Variants in TMEM131L observed in about 807,000 individuals in gnomAD.
TMEM131L encodes transmembrane protein 131-like.
A neutral mutation model predicts 192.2 loss-of-function variants in TMEM131L; 54 were observed. That is an observed-to-expected ratio of 0.28 (90% CI 0.23 to 0.35). The LOEUF (loss-of-function observed/expected upper bound fraction) is 0.35. Ranked by LOEUF, TMEM131L falls within the 10% of genes least tolerant of loss-of-function variation. TMEM131L has a pLI of 1.00. For synonymous variants in TMEM131L, 701 were observed against 704.9 expected (o/e 0.99, Z 0.09); for missense variants, 1,888 against 1,972.9 (o/e 0.96, Z 0.82).
At chr4:153,618,889 T>C (rs1733186919) in intron 26 of TMEM131L, among the ~76,000 whole-genome samples, 1 of 152,180 alleles carries the variant, frequency 6.6e-6, no homozygotes, top group Admixed American at 6.5e-5. Context: ...GCTGTCTCCA[T>C]TGCAGGCCTG....
At position 153,626,252 on chromosome 4, in the gene TMEM131L, C is replaced by T. The variant is rs1733835541; in HGVS notation, c.4124+27C>T. The T allele has an allele frequency of 5.5e-6, 8 of 1,443,286 alleles. No homozygotes were observed. The East Asian group carries it at 1.1e-4, about 20-fold the overall frequency. 89.4% of individuals were successfully genotyped at this position (1,443,286 alleles called of 1,614,324 possible). On this transcript the variant is annotated intron_variant, in intron 30 of 34. Coordinates refer to ENST00000409959, the MANE Select transcript of TMEM131L (RefSeq NM_001131007.2). Reference sequence around the variant, plus strand: ...TAAGTTTTTTATTTTCCAGCTTTTACAGTATGTTTTGTGTACTGCTTTTTC... The same window carrying T: ...TAAGTTTTTTATTTTCCAGCTTTTATAGTATGTTTTGTGTACTGCTTTTTC...
At chr4:153,503,263 C>CG (rs1341781839) in intron 3 of TMEM131L, among the ~76,000 whole-genome samples, 3 of 152,072 alleles carry the variant, frequency 2.0e-5, no homozygotes, top group African/African-American at 7.2e-5. Flanking sequence ...TTTTAGAATA[C>CG]GGGGGAACAT....
chr4:153,548,149 G>T (rs924106289), intron 3 of TMEM131L, among the ~76,000 whole-genome samples: 14 of 152,118 alleles, frequency 9.2e-5, no homozygotes, highest in African/African-American at 3.4e-4. Flanking sequence ...GTTTCCGGAG[G>T]CAACTTCTCT....
chr4:153,604,344 C>T lies in TMEM131L; in HGVS notation c.3332C>T (p.Ser1111Phe), dbSNP rs755078. 4.3e-6 allele frequency: 7 copies of T among 1,614,038 alleles called. No individual in the cohort carries two copies. Among genetic ancestry groups the T allele is most frequent in the Non-Finnish European group, 5.9e-6 (7 of 1,179,986 alleles). Residue 1111 changes from serine (S) to phenylalanine (F), a missense_variant, in exon 25 of 35, where the codon TCC becomes TTC. By Grantham distance (155) the Ser-to-Phe change is radical. Transcript: ENST00000409959. ...CGGGAGCTCTGTCCACTGAAGACCT[C>T]CAAGAAACTACCTGAAAACCATTTA... Reference protein sequence around the residue: ...KERELCPLKTSKKLPENHLPR... With the variant: ...KERELCPLKTFKKLPENHLPR...
chr4:153,620,653 A>C (rs1468510601), intron 26 of TMEM131L, 103 bp from the exon 27 acceptor site: 2 of 671,164 alleles, frequency 3.0e-6, no homozygotes, highest in Non-Finnish European at 2.4e-6. Context: ...TTTCAACAGC[A>C]CTGGGACATT....
In TMEM131L at chr4:153,603,909, A is replaced by C; in HGVS notation, c.2897A>C (p.Lys966Thr). 16 of 1,614,138 alleles carry C rather than the reference A, an allele frequency of 9.9e-6. No homozygotes were observed. The highest frequency in any genetic ancestry group is 1.4e-5 in the Non-Finnish European group (16 of 1,180,002). Residue 966 changes from lysine (K) to threonine (T), a missense_variant, in exon 25 of 35, where the codon AAG becomes ACG. Lys to Thr is a moderately conservative substitution (Grantham distance 78). Coordinates refer to ENST00000409959, the MANE Select transcript of TMEM131L (RefSeq NM_001131007.2). ...CAAAGCAGGATCCAGAATGCTGCAA[A>C]GAGGAGCCCAGCCACCTATGGTCAT... ...TPQSRIQNAA[K>T]RSPATYGHSQ... is the part of the protein sequence containing the mutation.
chr4:153,576,883 G>T (rs970161323), intron 7 of TMEM131L, among the ~76,000 whole-genome samples: 3 of 152,002 alleles, frequency 2.0e-5, no homozygotes, highest in Non-Finnish European at 4.4e-5. Context: ...AGCATCTGTG[G>T]CTGTATGCCC....
chr4:153,533,385 G>T (rs114007459), intron 3 of TMEM131L, among the ~76,000 whole-genome samples: 1 of 152,260 alleles, frequency 6.6e-6, no homozygotes, highest in East Asian at 1.9e-4. Context: ...CAGCAGTGGC[G>T]GAGGGGAGGC....
At position 153,604,217 on chromosome 4, in the gene TMEM131L, A is replaced by G; in HGVS notation, c.3205A>G (p.Asn1069Asp). 1 of 1,614,064 alleles carries G rather than the reference A, an allele frequency of 6.2e-7. No individual in the cohort carries two copies. Among genetic ancestry groups the G allele is most frequent in the South Asian group, 1.1e-5 (1 of 91,082 alleles). The change falls in exon 25 of 35, where the codon AAT becomes GAT. Residue 1069 changes from asparagine to aspartate, a missense_variant. Transcript: ENST00000409959. ...ACTGAAAAACACAATTGTTTTCAGTAATCCTTCTTCAGAATGTAGTATGAA... is the reference window on the plus strand; with the variant it reads ...ACTGAAAAACACAATTGTTTTCAGTGATCCTTCTTCAGAATGTAGTATGAA... ...NTLKNTIVFSNPSSECSMKEG... is the reference protein window; with the variant it reads ...NTLKNTIVFSDPSSECSMKEG...
chr4:153,620,191 A>C (rs1335025875), intron 26 of TMEM131L, among the ~76,000 whole-genome samples: 1 of 152,228 alleles, frequency 6.6e-6, no homozygotes, highest in African/African-American at 2.4e-5. Flanking sequence ...CTTATTTAAT[A>C]CTTATGTATA....
intron 3 of TMEM131L, among the ~76,000 whole-genome samples, chr4:153,475,818 A>G (rs544710584): frequency 6.6e-6 from 1 of 152,336 alleles, no homozygotes; most frequent in East Asian, 1.9e-4. Flanking sequence ...TAAAGTATAC[A>G]GGAGGATGTG....
At chr4:153,496,482 TA>T (rs1159505736) in intron 3 of TMEM131L, among the ~76,000 whole-genome samples, 1 of 152,230 alleles carries the variant, frequency 6.6e-6, no homozygotes, top group Non-Finnish European at 1.5e-5. Flanking sequence ...CCCCTCTGCA[TA>T]GGTCACTGTG....
intron 3 of TMEM131L, among the ~76,000 whole-genome samples, chr4:153,546,813 G>C (rs915289612): frequency 3.3e-5 from 5 of 152,204 alleles, no homozygotes; most frequent in Non-Finnish European, 5.9e-5. Context: ...TGTAAACCCA[G>C]CTACTCGTGG....
At chr4:153,546,399 G>A (rs1366918890) in intron 3 of TMEM131L, among the ~76,000 whole-genome samples, 1 of 152,120 alleles carries the variant, frequency 6.6e-6, no homozygotes, top group Non-Finnish European at 1.5e-5. Flanking sequence ...TATTAAGGGT[G>A]AAATATGAGA....
rs1216119441 is a variant in TMEM131L at position 153,582,420 on chromosome 4, G to GTTTTTTTTTTTTT, written c.893-761_893-760insTTTTTTTTTTTTT. On this transcript the variant is annotated intron_variant, in intron 9 of 34. Transcript: ENST00000409959. ...CCACTATGCCTGGCTAATTTAAACC[G>GTTTTTTTTTTTTT]TTTTTTTTTGTTGTTTTTTTTTTTT... Among the ~76,000 whole-genome samples, 13 of 81,840 alleles carry GTTTTTTTTTTTTT rather than the reference G, an allele frequency of 1.6e-4. 2 individuals are homozygous for GTTTTTTTTTTTTT. The highest frequency in any genetic ancestry group is 3.3e-4 in the African/African-American group (6 of 18,240). 53.7% of individuals were successfully genotyped at this position (81,840 alleles called of 152,430 possible). A position where few individuals can be genotyped will look rare whatever the true frequency, so the allele number is the denominator to read the frequency against.
chr4:153,496,068 G>A (rs1733150738), intron 3 of TMEM131L, among the ~76,000 whole-genome samples: 1 of 152,170 alleles, frequency 6.6e-6, no homozygotes, highest in South Asian at 2.1e-4. Context: ...AGCCCCTCTC[G>A]AGGGCGGCGA....
At chr4:153,537,561 G>T (rs1295794950) in intron 3 of TMEM131L, among the ~76,000 whole-genome samples, 1 of 152,184 alleles carries the variant, frequency 6.6e-6, no homozygotes, top group Admixed American at 6.5e-5. Context: ...TGTTGCCATG[G>T]CATTTGTAAA....
At chr4:153,592,943 G>T (rs1203367383) in intron 18 of TMEM131L, among the ~76,000 whole-genome samples, 1 of 152,086 alleles carries the variant, frequency 6.6e-6, no homozygotes, top group Non-Finnish European at 1.5e-5. Context: ...TAGTCCAATT[G>T]GCCCTCCATA....
intron 7 of TMEM131L, among the ~76,000 whole-genome samples, chr4:153,566,063 CTTAAA>C (rs1160220336): frequency 6.6e-6 from 1 of 151,700 alleles, no homozygotes; most frequent in African/African-American, 2.4e-5. Flanking sequence ...TTGAAAAGAA[CTTAAA>C]TTATTATTAT....
Sources: gnomAD v4.1 joint callset for allele counts (sites outside exome capture counted in the v4.1 genomes callset) on GRCh38, gnomAD v4.1.1 for gene constraint, MANE v1.5 for transcripts, NCBI Gene and HGNC (gene_info 2026-07-23, HGNC 2026-07-21) for gene names.